The following ZNF609 variants were observed in gnomAD, a reference collection of about 807,000 sequenced individuals.
ZNF609 encodes zinc finger protein 609.
Under a neutral mutation model 109.5 loss-of-function variants are expected in ZNF609, and 11 were observed. The observed-to-expected ratio is 0.10, with a 90% confidence interval of 0.06 to 0.17. The LOEUF (loss-of-function observed/expected upper bound fraction) is 0.17, where lower values mean the gene tolerates loss of function less well. Ranked by LOEUF, ZNF609 falls within the 10% of genes least tolerant of loss-of-function variation. ZNF609 has a pLI of 1.00. For missense variants in ZNF609, 1,559 were observed against 1,772.4 expected (o/e 0.88, Z 2.16); for synonymous variants, 646 against 662.0 (o/e 0.98, Z 0.37).
intron 1 of ZNF609, among the ~76,000 whole-genome samples, chr15:64,466,429 G>C (rs1035845695): frequency 4.6e-5 from 7 of 152,138 alleles, no homozygotes; most frequent in African/African-American, 1.7e-4. Flanking sequence ...AATTCACAGG[G>C]TACTAATTAA....
chr15:64,563,846 A>C (rs1449872004), intron 2 of ZNF609, among the ~76,000 whole-genome samples: 1 of 152,142 alleles, frequency 6.6e-6, no homozygotes, highest in South Asian at 2.1e-4. Flanking sequence ...AATCCCTCCC[A>C]AAGTGGTGGG....
chr15:64,674,902 C>T lies in ZNF609; in HGVS notation c.2048C>T (p.Ser683Phe). ...ACCTTCACAGCAGCGAGCCCAGGCT[C>T]TTCCTCAGGCTTGACCGCCACAGTG... ...TATFTAASPG[S>F]SSGLTATVAQ... The change falls in exon 5 of 10, where the codon TCT (serine) becomes TTT (phenylalanine). Residue 683 changes from serine (S) to phenylalanine (F), a missense_variant. This residue lies in a region of ZNF609 where 1,204 missense variants were observed against 1,314.1 expected (regional missense o/e 0.92). Transcript: ENST00000326648. 1 of 1,614,148 alleles carries T rather than the reference C, an allele frequency of 6.2e-7. No individual in the cohort carries two copies. The highest frequency in any genetic ancestry group is 2.2e-5 in the East Asian group (1 of 44,878).
Position 64,476,640 on chromosome 15 carries a change from C to T in ZNF609, c.-128+15802C>T, listed in dbSNP as rs567682438. On this transcript the variant is annotated intron_variant, in intron 1 of 9. Coordinates refer to ENST00000326648, the MANE Select transcript of ZNF609 (RefSeq NM_015042.2). Reference sequence around the variant, plus strand: ...TAGCTACTCCTTATGTTCTTTTCTCCTGTCTGCTCCTCTTGCTGGCATCAC... The same window carrying T: ...TAGCTACTCCTTATGTTCTTTTCTCTTGTCTGCTCCTCTTGCTGGCATCAC... Among the ~76,000 whole-genome samples the T allele has an allele frequency of 1.4e-4, 22 of 152,278 alleles. 1 individual carries two copies. The highest frequency in any genetic ancestry group is 4.1e-4 in the South Asian group (2 of 4,832).
rs1896778227 is a variant in ZNF609 at position 64,674,333 on chromosome 15, C to T, written c.1479C>T (p.Val493=). The change falls in exon 5 of 10, where the codon GTC becomes GTT. Residue 493 remains valine, a synonymous_variant. Transcript: ENST00000326648. The part of the protein sequence containing the change: ...TVLDRNCPSP[V]LIDCPHPNCN... ...TGGACAGAAACTGCCCCTCCCCCGT[C>T]CTAATTGACTGTCCCCACCCAAACT... 1 of 1,614,030 alleles carries T rather than the reference C, an allele frequency of 6.2e-7. No individual in the cohort carries two copies. The highest frequency in any genetic ancestry group is 2.2e-5 in the East Asian group (1 of 44,894).
At chr15:64,583,781 T>G (rs954428248) in intron 2 of ZNF609, among the ~76,000 whole-genome samples, 1 of 152,150 alleles carries the variant, frequency 6.6e-6, no homozygotes, top group African/African-American at 2.4e-5. Flanking sequence ...GGAGATGATC[T>G]AGAGCTCTGA....
intron 3 of ZNF609, among the ~76,000 whole-genome samples, chr15:64,642,653 G>A (rs1169915516): frequency 6.6e-6 from 1 of 152,082 alleles, no homozygotes; most frequent in African/African-American, 2.4e-5. Context: ...AAATTAGCCA[G>A]GCAAGTGGCA....
chr15:64,497,830 G>C (rs1403536088), intron 1 of ZNF609, among the ~76,000 whole-genome samples: 1 of 151,564 alleles, frequency 6.6e-6, no homozygotes, highest in Non-Finnish European at 1.5e-5. Context: ...GAACCCGGGA[G>C]GCAGAGGTTG....
chr15:64,675,462 T>C lies in ZNF609; in HGVS notation c.2608T>C (p.Leu870=). The C allele has an allele frequency of 6.2e-7, 1 of 1,614,022 alleles. No homozygotes were observed. The highest frequency in any genetic ancestry group is 1.7e-5 in the Admixed American group (1 of 60,004). Residue 870 remains leucine, a synonymous_variant, in exon 5 of 10, where the codon TTG becomes CTG. Transcript: ENST00000326648. ...DSVKSKDAEQ[L]VKEGAKKTLF... ...TGTCAAATCAAAGGACGCCGAACAG[T>C]TGGTTAAAGAAGGGGCTAAGAAAAC...
chr15:64,573,346 C>CTTTTTTTTTTTT lies in ZNF609; in HGVS notation c.748-49466_748-49455dup, dbSNP rs71133442. 1.9e-4 allele frequency among the ~76,000 whole-genome samples: 14 copies of CTTTTTTTTTTTT among 72,976 alleles called. 4 individuals are homozygous for CTTTTTTTTTTTT. Among genetic ancestry groups the CTTTTTTTTTTTT allele is most frequent in the Non-Finnish European group, 3.4e-4 (14 of 41,038 alleles). The allele number at this position is 72,976 out of a possible 152,430, so 47.9% of individuals were successfully genotyped here. Reference sequence around the variant, plus strand: ...GCAGTAGAGTTAGTGGCCCAACTTTCTTTTTTTTTTTTTTTTTTTTTTTTT... The same window carrying CTTTTTTTTTTTT: ...GCAGTAGAGTTAGTGGCCCAACTTTCTTTTTTTTTTTTTTTTTTTTTTTTTTTTTTTTTTTTT... On this transcript the variant is annotated intron_variant, in intron 2 of 9. Transcript: ENST00000326648.
intron 1 of ZNF609, among the ~76,000 whole-genome samples, chr15:64,487,062 A>G (rs1893343765): frequency 6.6e-6 from 1 of 152,118 alleles, no homozygotes; most frequent in Non-Finnish European, 1.5e-5. Flanking sequence ...ATATACTACT[A>G]TTACATTTTT....
chr15:64,553,712 C>A (rs1037232794), intron 2 of ZNF609, among the ~76,000 whole-genome samples: 3 of 151,988 alleles, frequency 2.0e-5, no homozygotes, highest in Admixed American at 2.0e-4. Flanking sequence ...CATTCTCCTG[C>A]CTCAGCCTCC....
chr15:64,529,280 C>T (rs1315298138), intron 2 of ZNF609: 3 of 715,810 alleles, frequency 4.2e-6, no homozygotes, highest in Non-Finnish European at 7.7e-6. Context: ...CCATCACAAA[C>T]ATGGGGGCAT....
intron 2 of ZNF609, chr15:64,593,009 G>A (rs1895327725): frequency 3.2e-6 from 5 of 1,564,778 alleles, no homozygotes; most frequent in Non-Finnish European, 3.5e-6. Context: ...CAATGGTCGT[G>A]CCAAAAAGGG....
At position 64,543,274 on chromosome 15, in the gene ZNF609, T is replaced by C. The variant is rs1424561731; in HGVS notation, c.747+43108T>C. The stretch of plus-strand genomic sequence containing the variant: ...TTGTTGCTTTTTTTTTTTTTTTTTT[T>C]CTAATTTCATCTACCATTCCTTCTT... On this transcript the variant is annotated intron_variant, in intron 2 of 9. Coordinates refer to ENST00000326648, the MANE Select transcript of ZNF609 (RefSeq NM_015042.2). Among the ~76,000 whole-genome samples the C allele has an allele frequency of 1.7e-4, 23 of 134,482 alleles. No homozygotes were observed. In the East Asian group the frequency reaches 2.2e-3, roughly 13 times the overall value. The allele number at this position is 134,482 out of a possible 152,430, so 88.2% of individuals were successfully genotyped here.
chr15:64,523,571 GC>G (rs1302851890), intron 2 of ZNF609, among the ~76,000 whole-genome samples: 1 of 152,038 alleles, frequency 6.6e-6, no homozygotes, highest in African/African-American at 2.4e-5. Flanking sequence ...TTCGACACCA[GC>G]CTGGCCAACA....
At chr15:64,531,739 G>A (rs1188548742) in intron 2 of ZNF609, among the ~76,000 whole-genome samples, 1 of 152,160 alleles carries the variant, frequency 6.6e-6, no homozygotes, top group Non-Finnish European at 1.5e-5. Context: ...ACGCAATGTT[G>A]TGGGCCTCAG....
chr15:64,522,109 C>G (rs143244751), intron 2 of ZNF609, among the ~76,000 whole-genome samples: 2 of 152,336 alleles, frequency 1.3e-5, no homozygotes, highest in East Asian at 3.9e-4. Flanking sequence ...AAACTCTGTA[C>G]TTGGCAAGTG....
At chr15:64,677,946 A>G (rs184424038) in intron 5 of ZNF609, among the ~76,000 whole-genome samples, 170 bp from the exon 6 acceptor site, 134 of 152,238 alleles carry the variant, frequency 8.8e-4, no homozygotes, top group African/African-American at 3.1e-3. Context: ...CTTTTTAACC[A>G]AAAGGGAGCA....
intron 2 of ZNF609, among the ~76,000 whole-genome samples, chr15:64,593,949 GTAT>G (rs1895345932): frequency 6.6e-6 from 1 of 152,226 alleles, no homozygotes; most frequent in Non-Finnish European, 1.5e-5. Context: ...TGTCAATCAA[GTAT>G]TATGTTTGAG....
Sources: allele counts gnomAD v4.1 joint callset (sites outside exome capture counted in the v4.1 genomes callset), GRCh38; gene constraint gnomAD v4.1.1; regional missense constraint gnomAD v4.1.1; transcripts MANE v1.5; gene names NCBI Gene and HGNC (gene_info 2026-07-23, HGNC 2026-07-21).